CDH18: variants seen among roughly 807,000 people sequenced by gnomAD.
CDH18 encodes cadherin 18.
CDH18 carries 31 observed loss-of-function variants against 67.9 expected under a neutral mutation model. The observed-to-expected ratio is 0.46, with a 90% CI of 0.34 to 0.62. The LOEUF is 0.62. Among genes scored for constraint, CDH18 ranks in the 20% least tolerant of loss-of-function variants. CDH18 has a pLI of 0.01. For synonymous variants in CDH18, 362 were observed against 347.2 expected (o/e 1.04, Z -0.48); for missense variants, 890 against 975.5 (o/e 0.91, Z 1.17).
intron 6 of CDH18, among the ~76,000 whole-genome samples, chr5:19,602,835 G>A (rs1034028307): frequency 1.3e-5 from 2 of 151,946 alleles, no homozygotes; most frequent in Non-Finnish European, 2.9e-5. Flanking sequence ...CATGGTGGAG[G>A]GCACCTGTAA....
At chr5:19,695,439 T>C (rs1762416015) in intron 5 of CDH18, among the ~76,000 whole-genome samples, 1 of 152,220 alleles carries the variant, frequency 6.6e-6, no homozygotes. Flanking sequence ...GAATGATTAG[T>C]AATCTGCTTA....
At chr5:19,637,893 A>C (rs1753398816) in intron 5 of CDH18, among the ~76,000 whole-genome samples, 1 of 152,162 alleles carries the variant, frequency 6.6e-6, no homozygotes, top group South Asian at 2.1e-4. Flanking sequence ...ATCTATCATG[A>C]CGATCCTGAA....
chr5:20,284,577 C>A (rs1746539708), intron 1 of CDH18, among the ~76,000 whole-genome samples: 1 of 151,796 alleles, frequency 6.6e-6, no homozygotes, highest in Admixed American at 6.6e-5. Flanking sequence ...TTATGTCAGT[C>A]AATTCACTAA....
chr5:19,755,753 C>A (rs961422597), intron 3 of CDH18, among the ~76,000 whole-genome samples: 1 of 151,234 alleles, frequency 6.6e-6, no homozygotes, highest in South Asian at 2.1e-4. Flanking sequence ...ACTTGGAGTC[C>A]AATGTTTGAG....
chr5:19,597,419 A>G (rs551954186), intron 6 of CDH18, among the ~76,000 whole-genome samples: 1 of 152,362 alleles, frequency 6.6e-6, no homozygotes, highest in South Asian at 2.1e-4. Flanking sequence ...ACACTTTTGC[A>G]GTAGTTGCCA....
intron 7 of CDH18, among the ~76,000 whole-genome samples, chr5:19,578,993 G>A (rs547323153): frequency 3.3e-5 from 5 of 151,950 alleles, no homozygotes; most frequent in Non-Finnish European, 7.4e-5. Flanking sequence ...AGACTAATAC[G>A]TAATATTTAG....
Position 20,351,191 on chromosome 5 carries a change from T to TGTGTGTGTGTGTGTGC in CDH18, c.-579-95687_-579-95686insGCACACACACACACAC, listed in dbSNP as rs1420969028. On this transcript the variant is annotated intron_variant, in intron 1 of 14. Coordinates refer to the CDH18 transcript ENST00000507958. ...GTGTGTGTGTGTGTGTGTGTGTGTG[T>TGTGTGTGTGTGTGTGC]GCGTGTGTGTTATTGCTTATTTTGT... is the stretch of plus-strand genomic sequence containing the variant. 6.7e-5 allele frequency among the ~76,000 whole-genome samples: 10 copies of TGTGTGTGTGTGTGTGC among 148,766 alleles called. No individual in the cohort carries two copies. The East Asian group carries it at 1.6e-3, about 24-fold the overall frequency.
intron 2 of CDH18, among the ~76,000 whole-genome samples, chr5:20,005,024 A>G (rs1300336354): frequency 6.6e-6 from 1 of 152,222 alleles, no homozygotes; most frequent in Non-Finnish European, 1.5e-5. Flanking sequence ...AATCCCTGTG[A>G]TTGAGGGAAG....
chr5:19,573,232 A>T (rs186497726), intron 7 of CDH18, among the ~76,000 whole-genome samples: 20 of 152,200 alleles, frequency 1.3e-4, no homozygotes, highest in Non-Finnish European at 2.5e-4. Flanking sequence ...ATCACACTAG[A>T]AATAAATTGC....
chr5:20,508,575 A>G (rs1219338584), intron 1 of CDH18, among the ~76,000 whole-genome samples: 1 of 151,582 alleles, frequency 6.6e-6, no homozygotes, highest in Non-Finnish European at 1.5e-5. Context: ...GGTGGGAAAT[A>G]TTTCAAAATT....
intron 12 of CDH18, among the ~76,000 whole-genome samples, chr5:19,475,000 A>T (rs1579655863): frequency 1.3e-5 from 2 of 152,218 alleles, no homozygotes; most frequent in African/African-American, 4.8e-5. Flanking sequence ...AGCTCTATAG[A>T]CTGCTCTTTT....
intron 2 of CDH18, among the ~76,000 whole-genome samples, chr5:19,868,852 G>C (rs1364538651): frequency 6.6e-6 from 1 of 152,188 alleles, no homozygotes; most frequent in Non-Finnish European, 1.5e-5. Context: ...TGTGGGGAAT[G>C]TGAAAGGGAA....
intron 3 of CDH18, among the ~76,000 whole-genome samples, chr5:19,764,527 C>T (rs1772811528): frequency 6.6e-6 from 1 of 151,604 alleles, no homozygotes; most frequent in African/African-American, 2.4e-5. Flanking sequence ...GCATGAGTCA[C>T]TTGAGGGAAG....
chr5:19,602,174 T>C (rs1580433708), intron 6 of CDH18, among the ~76,000 whole-genome samples: 2 of 152,224 alleles, frequency 1.3e-5, no homozygotes, highest in African/African-American at 4.8e-5. Flanking sequence ...TGTTCACAGA[T>C]GACATGATCT....
At chr5:19,835,205 G>C (rs139293471) in intron 3 of CDH18, among the ~76,000 whole-genome samples, 1 of 152,264 alleles carries the variant, frequency 6.6e-6, no homozygotes, top group African/African-American at 2.4e-5. Context: ...AAAGGAATGA[G>C]ATCATGTCCT....
At chr5:19,752,832 C>T (rs1290588584) in intron 3 of CDH18, among the ~76,000 whole-genome samples, 1 of 152,116 alleles carries the variant, frequency 6.6e-6, no homozygotes, top group African/African-American at 2.4e-5. Flanking sequence ...GCTGAGAGAC[C>T]CACAGACGGT....
chr5:19,662,827 A>G (rs967034138), intron 5 of CDH18, among the ~76,000 whole-genome samples: 1 of 152,082 alleles, frequency 6.6e-6, no homozygotes, highest in Non-Finnish European at 1.5e-5. Context: ...TTTCATTTCC[A>G]TAACAAATAA....
chr5:19,612,033 A>G (rs1043295460), intron 6 of CDH18, among the ~76,000 whole-genome samples: 4 of 151,358 alleles, frequency 2.6e-5, no homozygotes, highest in African/African-American at 7.3e-5. Context: ...AACATGAAGA[A>G]TTTTTTTAAA....
At chr5:19,949,652 G>C (rs1035173565) in intron 2 of CDH18, among the ~76,000 whole-genome samples, 1 of 152,042 alleles carries the variant, frequency 6.6e-6, no homozygotes, top group Non-Finnish European at 1.5e-5. Context: ...AGTGCAAAAA[G>C]ATTATGAAAA....
Sources: gnomAD v4.1 joint callset for allele counts (sites outside exome capture counted in the v4.1 genomes callset) on GRCh38, gnomAD v4.1.1 for gene constraint, MANE v1.5 for transcripts, NCBI Gene and HGNC (gene_info 2026-07-23, HGNC 2026-07-21) for gene names.